Variants in VTI1A observed in about 807,000 individuals in gnomAD.
VTI1A encodes vesicle transport through interaction with t-SNAREs homolog 1A.
Under a neutral mutation model 34.9 loss-of-function variants are expected in VTI1A, and 22 were observed. The observed-to-expected ratio is 0.63, with a 90% CI of 0.45 to 0.90. The LOEUF is 0.90. Among genes scored for constraint, VTI1A ranks in the 40% least tolerant of loss-of-function variants. VTI1A has a pLI of 0.00. For synonymous variants in VTI1A, 87 were observed against 97.3 expected (o/e 0.89, Z 0.62); for missense variants, 268 against 275.6 (o/e 0.97, Z 0.20).
At chr10:112,775,855 A>G (rs1404409258) in intron 7 of VTI1A, among the ~76,000 whole-genome samples, 1 of 152,246 alleles carries the variant, frequency 6.6e-6, no homozygotes, top group African/African-American at 2.4e-5. Context: ...ATCACCAGAT[A>G]CTTTTGCGAT....
chr10:112,816,682 T>A lies in VTI1A; in HGVS notation c.*1299T>A, dbSNP rs1853530660. On this transcript the variant is annotated 3_prime_UTR_variant, in exon 8 of 8. Transcript: ENST00000393077. ...GTTTTTCTCAAGACTTCATAGGCAC[T>A]TACTGGTCCGTACTATCTTTGGAAT... The A allele has an allele frequency of 8.8e-6, 2 of 226,898 alleles. No individual in the cohort carries two copies. Among genetic ancestry groups the A allele is most frequent in the Admixed American group, 1.1e-4 (2 of 17,570 alleles). The allele number at this position is 226,898 out of a possible 1,614,324, so 14.1% of individuals were successfully genotyped here. A position where few individuals can be genotyped will look rare whatever the true frequency, so the allele number is the denominator to read the frequency against.
intron 7 of VTI1A, among the ~76,000 whole-genome samples, chr10:112,799,522 C>G (rs1019114640): frequency 3.9e-5 from 6 of 152,208 alleles, no homozygotes; most frequent in Non-Finnish European, 5.9e-5. Flanking sequence ...CTCCCAGTCC[C>G]TGCCCCTGAT....
chr10:112,729,065 A>T (rs1377511378), intron 7 of VTI1A, among the ~76,000 whole-genome samples: 2 of 152,174 alleles, frequency 1.3e-5, no homozygotes, highest in African/African-American at 4.8e-5. Flanking sequence ...AAAAGTTTAA[A>T]AAAATAGCCT....
At chr10:112,706,291 A>T (rs1434315932) in intron 7 of VTI1A, among the ~76,000 whole-genome samples, 1 of 152,238 alleles carries the variant, frequency 6.6e-6, no homozygotes, top group African/African-American at 2.4e-5. Flanking sequence ...CCCAGTCATC[A>T]TAGCCATAGG....
chr10:112,449,342 G>A (rs1847139548), intron 1 of VTI1A: 1 of 152,144 alleles, frequency 6.6e-6, no homozygotes, highest in South Asian at 2.1e-4. Flanking sequence ...ATCATCCTTG[G>A]ATGCAAAGTT....
intron 7 of VTI1A, among the ~76,000 whole-genome samples, chr10:112,713,430 TTCA>T (rs1273746177): frequency 6.6e-6 from 1 of 152,312 alleles, no homozygotes; most frequent in Non-Finnish European, 1.5e-5. Context: ...CTCGTTTAGT[TTCA>T]TTTAACTGTC....
At chr10:112,527,600 C>T (rs1314532496) in intron 4 of VTI1A, among the ~76,000 whole-genome samples, 1 of 151,896 alleles carries the variant, frequency 6.6e-6, no homozygotes. Flanking sequence ...AGCCCAATCT[C>T]CTATTGTGTG....
Position 112,447,349 on chromosome 10 carries a change from C to G in VTI1A, c.-25C>G. The G allele has an allele frequency of 6.2e-7, 1 of 1,609,748 alleles. No individual in the cohort carries two copies. The highest frequency in any genetic ancestry group is 8.5e-7 in the Non-Finnish European group (1 of 1,178,344). On this transcript the variant is annotated 5_prime_UTR_variant, in exon 1 of 8. Transcript: ENST00000393077. Reference sequence around the variant, plus strand: ...CCCTTTCCCTGACCTAGGCTTTGGCCTGGGCTACTCGTTCCGGAGCCGCCA... The same window carrying G: ...CCCTTTCCCTGACCTAGGCTTTGGCGTGGGCTACTCGTTCCGGAGCCGCCA...
intron 5 of VTI1A, among the ~76,000 whole-genome samples, chr10:112,539,127 G>C (rs1850765717): frequency 6.6e-6 from 1 of 151,984 alleles, no homozygotes; most frequent in African/African-American, 2.4e-5. Context: ...TTTTTATTTT[G>C]TTTTGTCAAG....
chr10:112,820,672 A>G (rs984012539), downstream of VTI1A, among the ~76,000 whole-genome samples: 3 of 152,228 alleles, frequency 2.0e-5, no homozygotes, highest in Non-Finnish European at 4.4e-5. Context: ...GGACTTCCTG[A>G]AATGAGTGAC....
intron 3 of VTI1A, among the ~76,000 whole-genome samples, chr10:112,480,544 G>A (rs772390468): frequency 6.6e-6 from 1 of 152,154 alleles, no homozygotes; most frequent in African/African-American, 2.4e-5. Context: ...GTGCATGTGC[G>A]TGTAGGCATG....
intron 7 of VTI1A, among the ~76,000 whole-genome samples, chr10:112,697,405 T>TC (rs1302325757): frequency 1.3e-5 from 2 of 149,322 alleles, no homozygotes; most frequent in African/African-American, 4.9e-5. Context: ...TTTTCTTTTT[T>TC]TTTTTTTTTT....
the VTI1A span, among the ~76,000 whole-genome samples, chr10:112,830,849 A>ATATATATATATTTTTTTT: frequency 3.3e-4 from 11 of 33,494 alleles, no homozygotes; most frequent in East Asian, 1.5e-3. Context: ...ATATATATAT[A>ATATATATATATTTTTTTT]TTTTTTTTTT....
Position 112,656,565 on chromosome 10 carries a change from T to A in VTI1A, c.428-11653T>A, listed in dbSNP as rs560682511. On this transcript the variant is annotated intron_variant, in intron 5 of 7. Transcript: ENST00000393077. The stretch of plus-strand genomic sequence containing the variant: ...TTTTTGAGACAGGGTTTCCCTGCAT[T>A]GCATTGCCCAGGCTCATCTCAAACT... 1.0e-3 allele frequency among the ~76,000 whole-genome samples: 143 copies of A among 139,550 alleles called. 1 individual carries two copies. Among genetic ancestry groups the A allele is most frequent in the African/African-American group, 3.6e-3 (139 of 38,882 alleles). 91.6% of individuals were successfully genotyped at this position (139,550 alleles called of 152,430 possible). A position where few individuals can be genotyped will look rare whatever the true frequency, so the allele number is the denominator to read the frequency against.
intron 4 of VTI1A, among the ~76,000 whole-genome samples, chr10:112,528,863 G>A (rs924854905): frequency 2.0e-5 from 3 of 152,010 alleles, no homozygotes; most frequent in Non-Finnish European, 4.4e-5. Flanking sequence ...TCTATGATAG[G>A]GATCCCTTTT....
chr10:112,687,698 A>T (rs1264842916), intron 7 of VTI1A, among the ~76,000 whole-genome samples: 1 of 152,076 alleles, frequency 6.6e-6, no homozygotes, highest in South Asian at 2.1e-4. Flanking sequence ...TTGGTGCACA[A>T]CTGCCTCGTT....
chr10:112,671,691 C>T (rs944718226), intron 7 of VTI1A: 3 of 152,076 alleles, frequency 2.0e-5, no homozygotes, highest in African/African-American at 4.8e-5. Context: ...AAGATCTGTG[C>T]GTATGGCCAC....
At chr10:112,722,563 C>G in intron 7 of VTI1A, among the ~76,000 whole-genome samples, 1 of 152,004 alleles carries the variant, frequency 6.6e-6, no homozygotes, top group East Asian at 1.9e-4. Flanking sequence ...CTGCAACATG[C>G]TGTTGTTCTT....
At chr10:112,761,770 C>CTCTG (rs140047735) in intron 7 of VTI1A, among the ~76,000 whole-genome samples, 7 of 145,826 alleles carry the variant, frequency 4.8e-5, no homozygotes, top group South Asian at 2.2e-4. Flanking sequence ...CTTTCTTTCT[C>CTCTG]TGTGTGTGTG....
Sources: allele counts gnomAD v4.1 joint callset (sites outside exome capture counted in the v4.1 genomes callset), GRCh38; gene constraint gnomAD v4.1.1; transcripts MANE v1.5; gene names NCBI Gene and HGNC (gene_info 2026-07-23, HGNC 2026-07-21).